ACOX3: variants seen among roughly 807,000 people sequenced by gnomAD.
ACOX3 encodes the protein acyl-CoA oxidase 3, pristanoyl, also known as peroxisomal acyl-coenzyme A oxidase 3.
ACOX3 carries 73 observed loss-of-function variants against 81.5 expected under a neutral mutation model. That is an observed-to-expected ratio of 0.90 (90% confidence interval 0.74 to 1.09). ACOX3 has a LOEUF of 1.09. Ranked by LOEUF, ACOX3 falls within the 50% of genes least tolerant of loss-of-function variation. The probability of loss-of-function intolerance (pLI) is 0.00; values close to 1 mark genes in which losing one functional copy is unlikely to be tolerated. For missense variants in ACOX3, 947 were observed against 928.0 expected, an observed-to-expected ratio of 1.02 and a Z score of -0.27; for synonymous variants, 387 against 375.1, an observed-to-expected ratio of 1.03 and a Z score of -0.37.
rs776064686 is a variant in ACOX3 at position 8,416,903 on chromosome 4, C to T, written c.-14-368G>A. The stretch of plus-strand genomic sequence containing the variant: ...CGGACATCCAGACTCATCCCCAAGG[C>T]TCACTAAACCCAGGGTCAGGAAGCA... On this transcript the variant is annotated intron_variant, in intron 1 of 17. Transcript: ENST00000356406. This position sits in a 1 kb window ranked among gnomAD's most constrained non-coding sequence, Gnocchi z 4.2. 5.3e-5 allele frequency among the ~76,000 whole-genome samples: 8 copies of T among 152,240 alleles called. No individual in the cohort carries two copies. The highest frequency in any genetic ancestry group is 1.2e-4 in the Non-Finnish European group (8 of 68,036).
rs1033185281 is a variant in ACOX3, at chr4:8,407,832, C to T, written c.688-1789G>A. Among the ~76,000 whole-genome samples the T allele has an allele frequency of 5.3e-5, 8 of 152,250 alleles. No homozygotes were observed. The highest frequency in any genetic ancestry group is 1.9e-4 in the East Asian group (1 of 5,200). Reference sequence around the variant, plus strand: ...GGAGCTTCATCCTTGGGCACTGTTACAGCAGGGATTCCCAACCATGAGACG... The same window carrying T: ...GGAGCTTCATCCTTGGGCACTGTTATAGCAGGGATTCCCAACCATGAGACG... On this transcript the variant is annotated intron_variant, in intron 6 of 17. Transcript: ENST00000356406. This position sits in a 1 kb window ranked among gnomAD's most constrained non-coding sequence, Gnocchi z 4.6.
At chr4:8,415,121 G>GACAC (rs1300540997) in intron 3 of ACOX3, among the ~76,000 whole-genome samples, 193 bp from the exon 4 acceptor site, 1 of 152,228 alleles carries the variant, frequency 6.6e-6, no homozygotes. Context: ...AGGGTCTCCT[G>GACAC]ACACACAGCT....
rs1196028007 is a variant in ACOX3, at chr4:8,396,838, C to A, written c.1056+99G>T. The A allele has an allele frequency of 6.4e-6, 9 of 1,413,540 alleles. No individual in the cohort carries two copies. In the Admixed American group the frequency reaches 6.4e-5, roughly 10 times the overall value. The allele number at this position is 1,413,540 out of a possible 1,614,324, so 87.6% of individuals were successfully genotyped here. Reference sequence around the variant, plus strand: ...ATCATCCTGTTAATTGCCTTAAGAGCTTTGATCAACTCCCAGTAACCAAAC... The same window carrying A: ...ATCATCCTGTTAATTGCCTTAAGAGATTTGATCAACTCCCAGTAACCAAAC... On this transcript the variant is annotated intron_variant, in intron 9 of 17. Coordinates refer to ENST00000356406, the MANE Select transcript of ACOX3 (RefSeq NM_003501.3).
At chr4:8,363,204 GC>G (rs894200120), downstream of ACOX3, among the ~76,000 whole-genome samples, 1 of 152,200 alleles carries the variant, frequency 6.6e-6, no homozygotes, top group Non-Finnish European at 1.5e-5. Flanking sequence ...TCAGCTAACA[GC>G]CCCATGTCAG....
downstream of ACOX3, among the ~76,000 whole-genome samples, chr4:8,365,813 C>T (rs1333182209): frequency 6.6e-6 from 1 of 152,174 alleles, no homozygotes; most frequent in African/African-American, 2.4e-5. Context: ...ATTTCCAGTG[C>T]TGGAAATTCA....
intron 1 of ACOX3, among the ~76,000 whole-genome samples, chr4:8,421,740 T>A (rs1212581734): frequency 6.6e-6 from 1 of 152,212 alleles, no homozygotes; most frequent in Non-Finnish European, 1.5e-5. Context: ...GGGAGTCTTG[T>A]CCCTGGTGTC....
At chr4:8,435,215 G>A (rs1724156745) in intron 1 of ACOX3, among the ~76,000 whole-genome samples, 1 of 152,134 alleles carries the variant, frequency 6.6e-6, no homozygotes, top group Non-Finnish European at 1.5e-5. Flanking sequence ...CTTTTGCTGG[G>A]CGCGGTGGCT....
rs1290987887 is a variant in ACOX3 at position 8,405,008 on chromosome 4, G to A, written c.776+947C>T. ...GCCAGTGGCCAGGAAGTTCAAGCCC[G>A]GCCTGCTCAGGCAGGGCCTGGCAGG... On this transcript the variant is annotated intron_variant, in intron 7 of 17. Transcript: ENST00000356406. The surrounding 1 kb of genome is among the most constrained non-coding windows in gnomAD (Gnocchi z 7.1). 4.6e-5 allele frequency among the ~76,000 whole-genome samples: 7 copies of A among 152,038 alleles called. No homozygotes were observed. Among genetic ancestry groups the A allele is most frequent in the African/African-American group, 7.2e-5 (3 of 41,400 alleles).
At chr4:8,379,829 G>A (rs987282243) in intron 14 of ACOX3, among the ~76,000 whole-genome samples, 10 of 151,976 alleles carry the variant, frequency 6.6e-5, no homozygotes, top group East Asian at 1.9e-4. Context: ...TCTGTTGCCC[G>A]TGCTGGAGTG....
Position 8,389,199 on chromosome 4 carries a change from C to A in ACOX3, c.1511G>T (p.Ser504Ile), listed in dbSNP as rs1395808355. 1 of 1,613,964 alleles carries A rather than the reference C, an allele frequency of 6.2e-7. No individual in the cohort carries two copies. The change falls in exon 13 of 18, where the codon AGT (serine) becomes ATT (isoleucine). Residue 504 changes from serine to isoleucine, a missense_variant. Physicochemically the swap from Ser to Ile is moderately radical, Grantham distance 142 (BLOSUM62 -2). Transcript: ENST00000356406. This position sits in a 1 kb window ranked among gnomAD's most constrained non-coding sequence, Gnocchi z 5.3. ...TGCAGAGTCCAAGCAGTCGGCAACA[C>A]TGGAGACCTCAAACTTCTGGTCAAG... ...GILDQKFEVS[S>I]VADCLDSAVA...
intron 13 of ACOX3, among the ~76,000 whole-genome samples, chr4:8,387,704 C>A (rs2108848244): frequency 6.6e-6 from 1 of 152,314 alleles, no homozygotes; most frequent in African/African-American, 2.4e-5. Flanking sequence ...CAAATCGCAC[C>A]CAGACCACTG....
intron 16 of ACOX3, 130 bp downstream of exon 16, chr4:8,373,431 A>AG (rs771471749): frequency 1.2e-4 from 108 of 924,568 alleles, no homozygotes; most frequent in Non-Finnish European, 1.7e-4. Context: ...GGTGACGCTA[A>AG]GGGGGTGCGT....
chr4:8,372,256 G>T (rs1051407701), intron 16 of ACOX3, among the ~76,000 whole-genome samples: 13 of 152,150 alleles, frequency 8.5e-5, no homozygotes, highest in African/African-American at 2.9e-4. Context: ...CACCAAGCCT[G>T]GCTAATTTTT....
At chr4:8,422,497 T>G (rs1045100949) in intron 1 of ACOX3, among the ~76,000 whole-genome samples, 3 of 152,180 alleles carry the variant, frequency 2.0e-5, no homozygotes, top group Admixed American at 6.5e-5. Flanking sequence ...TTTTTCACAA[T>G]AGAGATCAGG....
At chr4:8,434,143 C>T (rs1390763297) in intron 1 of ACOX3, among the ~76,000 whole-genome samples, 1 of 152,150 alleles carries the variant, frequency 6.6e-6, no homozygotes, top group Non-Finnish European at 1.5e-5. Context: ...CATTGCAAAA[C>T]TTTCTGTTCT....
chr4:8,385,370 T>G lies in ACOX3; in HGVS notation c.1538-3763A>C, dbSNP rs182402670. ...ACCTCACTGTGCACTCCACGTGACCTCACCACTCACCCCATGTGACCCCAC... is the reference window on the plus strand; with the variant it reads ...ACCTCACTGTGCACTCCACGTGACCGCACCACTCACCCCATGTGACCCCAC... On this transcript the variant is annotated intron_variant, in intron 13 of 17. Coordinates refer to ENST00000356406, the MANE Select transcript of ACOX3 (RefSeq NM_003501.3). The surrounding 1 kb of genome is among the most constrained non-coding windows in gnomAD (Gnocchi z 5.5). 3.8e-3 allele frequency among the ~76,000 whole-genome samples: 582 copies of G among 151,942 alleles called. 12 individuals are homozygous for G. The highest frequency in any genetic ancestry group is 0.034 in the Admixed American group (513 of 15,276).
At position 8,406,134 on chromosome 4, in the gene ACOX3, ATGGGCT is replaced by A; in HGVS notation, c.688-97_688-92del. On this transcript the variant is annotated intron_variant, in intron 6 of 17. Transcript: ENST00000356406. The surrounding 1 kb of genome is among the most constrained non-coding windows in gnomAD (Gnocchi z 5.6). ...TGTTCAGAAACCCACAGGGTGGGCC[ATGGGCT>A]CAACGCTGGGCGGCTGTGGGTTAAA... 5 of 1,291,228 alleles carry A rather than the reference ATGGGCT, an allele frequency of 3.9e-6. 1 individual carries two copies. Among genetic ancestry groups the A allele is most frequent in the Non-Finnish European group, 5.6e-6 (5 of 892,548 alleles). 80.0% of individuals were successfully genotyped at this position (1,291,228 alleles called of 1,614,324 possible).
chr4:8,438,760 T>C (rs529476025), intron 1 of ACOX3: 29 of 152,354 alleles, frequency 1.9e-4, no homozygotes, highest in African/African-American at 7.0e-4. Context: ...CCACTCCCAC[T>C]GCTGTTAAAA....
In ACOX3 at chr4:8,386,867, A is replaced by G. The variant is rs1016334163; in HGVS notation, c.1537+2306T>C. Among the ~76,000 whole-genome samples the G allele has an allele frequency of 6.6e-6, 1 of 152,232 alleles. No individual in the cohort carries two copies. The highest frequency in any genetic ancestry group is 2.4e-5 in the African/African-American group (1 of 41,464). ...CCGTGTGAACAAGGAAGTAGCCTGT[A>G]GGGCTGGAGACGGACAAGGACACAC... On this transcript the variant is annotated intron_variant, in intron 13 of 17. Coordinates refer to ENST00000356406, the MANE Select transcript of ACOX3 (RefSeq NM_003501.3). This position sits in a 1 kb window ranked among gnomAD's most constrained non-coding sequence, Gnocchi z 5.2.
Sources: gnomAD v4.1 joint callset for allele counts (sites outside exome capture counted in the v4.1 genomes callset) on GRCh38, gnomAD v4.1.1 for gene constraint, Gnocchi (gnomAD v3.1) non-coding constraint, MANE v1.5 for transcripts, NCBI Gene and HGNC (gene_info 2026-07-23, HGNC 2026-07-21) for gene names.